GRM7: variants seen among roughly 807,000 people sequenced by gnomAD.
GRM7 encodes the protein metabotropic glutamate receptor 7.
In GRM7, 35 loss-of-function variants were observed where a neutral mutation model predicts 84.5. That is an observed-to-expected ratio of 0.41 (90% CI 0.32 to 0.55). GRM7 has a LOEUF of 0.55. GRM7 is among the 20% of genes least tolerant of loss of function. The pLI is 0.19. For missense variants in GRM7, 1,003 were observed against 1,194.6 expected, an observed-to-expected ratio of 0.84 and a Z score of 2.36; for synonymous variants, 487 against 455.1, an observed-to-expected ratio of 1.07 and a Z score of -0.89.
intron 8 of GRM7, among the ~76,000 whole-genome samples, chr3:7,652,492 A>G (rs1698989451): frequency 6.6e-6 from 1 of 152,180 alleles, no homozygotes; most frequent in Non-Finnish European, 1.5e-5. Context: ...CTAGTGGGGC[A>G]AGTCAATCCC....
intron 4 of GRM7, among the ~76,000 whole-genome samples, chr3:7,316,886 T>C (rs1700601252): frequency 6.6e-6 from 1 of 152,062 alleles, no homozygotes; most frequent in Non-Finnish European, 1.5e-5. Context: ...ACACAGAAAA[T>C]AGGGGACCAA....
At chr3:7,400,596 C>G (rs1321630527) in intron 4 of GRM7, among the ~76,000 whole-genome samples, 1 of 152,190 alleles carries the variant, frequency 6.6e-6, no homozygotes. Flanking sequence ...TCTCTCCAGT[C>G]CTTCCTATCT....
At chr3:7,698,092 TA>T (rs1164446700) in intron 9 of GRM7, among the ~76,000 whole-genome samples, 1 of 152,114 alleles carries the variant, frequency 6.6e-6, no homozygotes, top group Non-Finnish European at 1.5e-5. Flanking sequence ...AGTTTGCAAT[TA>T]AAAGGAGAAA....
chr3:7,115,334 C>G (rs573675467), intron 1 of GRM7, among the ~76,000 whole-genome samples: 3 of 152,222 alleles, frequency 2.0e-5, no homozygotes, highest in African/African-American at 7.2e-5. Context: ...AACAGACTTG[C>G]TGAAGTTGTC....
intron 8 of GRM7, chr3:7,591,334 T>C (rs1389688815): frequency 4.7e-6 from 1 of 210,552 alleles, no homozygotes. Flanking sequence ...TATATAATTT[T>C]CAGTCTTCAG....
chr3:6,997,839 A>G (rs1694875570), intron 1 of GRM7, among the ~76,000 whole-genome samples: 1 of 151,992 alleles, frequency 6.6e-6, no homozygotes, highest in Non-Finnish European at 1.5e-5. Flanking sequence ...GTAAAACCAA[A>G]AGCAAGTTAG....
intron 1 of GRM7, among the ~76,000 whole-genome samples, chr3:7,040,555 G>A (rs1281917827): frequency 2.0e-5 from 3 of 151,646 alleles, no homozygotes; most frequent in Non-Finnish European, 2.9e-5. Context: ...TGTCCACCTC[G>A]GCCTCCCAAA....
chr3:7,535,418 G>A (rs1448444845), intron 7 of GRM7: 1 of 152,240 alleles, frequency 6.6e-6, no homozygotes, highest in Non-Finnish European at 1.5e-5. Context: ...TAGTTATAAA[G>A]TAGTCCTAGG....
At chr3:7,540,192 A>G (rs1211783550) in intron 7 of GRM7, among the ~76,000 whole-genome samples, 1 of 152,186 alleles carries the variant, frequency 6.6e-6, no homozygotes, top group Non-Finnish European at 1.5e-5. Flanking sequence ...AATGTTAAAA[A>G]TGGGATAACC....
chr3:7,549,387 G>A (rs1159260193), intron 7 of GRM7, among the ~76,000 whole-genome samples: 1 of 152,082 alleles, frequency 6.6e-6, no homozygotes, highest in Admixed American at 6.5e-5. Flanking sequence ...CAATCATAGT[G>A]TTTATAGTAT....
At chr3:7,133,917 A>T (rs1693685795) in intron 1 of GRM7, among the ~76,000 whole-genome samples, 1 of 152,140 alleles carries the variant, frequency 6.6e-6, no homozygotes, top group Admixed American at 6.5e-5. Flanking sequence ...AAAGGCCTTC[A>T]TTGTATTATG....
intron 1 of GRM7, among the ~76,000 whole-genome samples, chr3:6,991,720 A>C (rs1257472280): frequency 1.3e-5 from 2 of 152,236 alleles, no homozygotes; most frequent in East Asian, 3.8e-4. Context: ...AATGATTACC[A>C]CAACCAAACT....
chr3:7,305,242 C>A (rs1442025214), intron 3 of GRM7, among the ~76,000 whole-genome samples: 1 of 151,712 alleles, frequency 6.6e-6, no homozygotes, highest in Non-Finnish European at 1.5e-5. Context: ...CTACCTTTTA[C>A]TATTTTGGTG....
chr3:7,713,790 G>A (rs1701675567), intron 9 of GRM7, among the ~76,000 whole-genome samples: 1 of 126,920 alleles, frequency 7.9e-6, no homozygotes, highest in Non-Finnish European at 1.6e-5. Flanking sequence ...AGCCACGGAT[G>A]CTTTCTTTTT....
intron 1 of GRM7, among the ~76,000 whole-genome samples, chr3:7,010,425 G>C (rs889159463): frequency 6.6e-6 from 1 of 152,214 alleles, no homozygotes; most frequent in Non-Finnish European, 1.5e-5. Context: ...CTGCACTCCA[G>C]CCTGGGTGAC....
At chr3:7,237,510 C>T (rs1456985413) in intron 2 of GRM7, among the ~76,000 whole-genome samples, 1 of 152,048 alleles carries the variant, frequency 6.6e-6, no homozygotes, top group African/African-American at 2.4e-5. Context: ...GTGAGTGTTA[C>T]AGTTCTTAAA....
rs867778922 is a variant in GRM7 at position 7,099,548 on chromosome 3, T to C, written c.520-46904T>C. On this transcript the variant is annotated intron_variant, in intron 1 of 9. Coordinates refer to ENST00000357716, the MANE Select transcript of GRM7 (RefSeq NM_000844.4). Reference sequence around the variant, plus strand: ...TACACGCATTATACATGTACACATATATGTATATGTACACGCATTATACAT... The same window carrying C: ...TACACGCATTATACATGTACACATACATGTATATGTACACGCATTATACAT... Among the ~76,000 whole-genome samples the C allele has an allele frequency of 5.1e-4, 74 of 145,292 alleles. No homozygotes were observed. The Middle Eastern group carries it at 0.015, about 30-fold the overall frequency.
Position 7,148,640 on chromosome 3 carries a change from G to C in GRM7, c.736+1972G>C, listed in dbSNP as rs1194204788. Among the ~76,000 whole-genome samples the C allele has an allele frequency of 2.6e-5, 4 of 152,064 alleles. No individual in the cohort carries two copies. The East Asian group carries it at 7.7e-4, about 29-fold the overall frequency. ...TTGTTTATTCCTGGTGTCATTTGAT[G>C]GAAACTTAAAACATTAATATCTGAG... On this transcript the variant is annotated intron_variant, in intron 2 of 9. Transcript: ENST00000357716.
intron 1 of GRM7, among the ~76,000 whole-genome samples, chr3:6,911,384 A>G (rs1206175328): frequency 6.6e-6 from 1 of 152,160 alleles, no homozygotes; most frequent in Non-Finnish European, 1.5e-5. Context: ...AAAGATAAAT[A>G]GTAGAAATTT....
Sources: allele counts gnomAD v4.1 joint callset (sites outside exome capture counted in the v4.1 genomes callset), GRCh38; gene constraint gnomAD v4.1.1; transcripts MANE v1.5; gene names NCBI Gene and HGNC (gene_info 2026-07-23, HGNC 2026-07-21).